Variants in MCF2L observed in about 807,000 individuals in gnomAD.
The protein encoded by MCF2L is guanine nucleotide exchange factor DBS.
In MCF2L, 97 loss-of-function variants were observed where a neutral mutation model predicts 153.4. The ratio of observed to expected loss-of-function variants is 0.63; its 90% confidence interval spans 0.54 to 0.75. The LOEUF is 0.75. MCF2L is among the 30% of genes least tolerant of loss of function. MCF2L has a pLI of 0.00. For missense variants in MCF2L, 1,347 were observed against 1,495.2 expected (o/e 0.90, Z 1.64); for synonymous variants, 659 against 632.2 (o/e 1.04, Z -0.64).
chr13:113,020,315 C>T (rs1388227954), intron 2 of MCF2L, among the ~76,000 whole-genome samples: 2 of 152,194 alleles, frequency 1.3e-5, no homozygotes, highest in African/African-American at 2.4e-5. Context: ...GCATCACGTC[C>T]GTGGAGAAAA....
rs745920154 is a variant in MCF2L, at chr13:112,969,419, G to A, written c.40G>A (p.Glu14Lys). 5.2e-5 allele frequency: 81 copies of A among 1,550,376 alleles called. No homozygotes were observed. The highest frequency in any genetic ancestry group is 1.7e-4 in the Middle Eastern group (1 of 6,012). The change falls in exon 1 of 30, where the codon GAA (glutamate) becomes AAA (lysine). Residue 14 changes from glutamate to lysine, a missense_variant. Glu to Lys is a moderately conservative substitution (Grantham distance 56). Transcript: ENST00000535094. The surrounding 1 kb of genome is among the most constrained non-coding windows in gnomAD (Gnocchi z 4.8). The stretch of plus-strand genomic sequence containing the variant: ...GAGGACTGAAGAGATGGCCTTGGAA[G>A]AAATGGTGCAGAGATTAAATGCGGT... Reference protein sequence around the residue: ...WLRTEEMALEEMVQRLNAVSK... With the variant: ...WLRTEEMALEKMVQRLNAVSK...
intron 2 of MCF2L, among the ~76,000 whole-genome samples, chr13:112,919,043 G>T (rs892983470): frequency 2.0e-5 from 3 of 152,132 alleles, no homozygotes; most frequent in African/African-American, 7.2e-5. Context: ...TGTGGGCCCC[G>T]TGCCTCTCTT....
intron 2 of MCF2L, among the ~76,000 whole-genome samples, chr13:112,945,003 T>TTTA (rs2081622866): frequency 8.1e-6 from 1 of 124,170 alleles, no homozygotes; most frequent in African/African-American, 3.3e-5. Flanking sequence ...GCACCACTAT[T>TTTA]TTTTTTTTTT....
At chr13:112,979,482 G>A (rs2993282) in intron 1 of MCF2L, 542,664 of 1,425,306 alleles carry the variant, frequency 0.38, 104,776 homozygotes, top group African/African-American at 0.47. Flanking sequence ...GTGAGTTGGC[G>A]AAGCCCAGAG....
Position 113,028,730 on chromosome 13 carries a change from C to T in MCF2L, c.278+3972C>T, listed in dbSNP as rs2085459991. 6.6e-6 allele frequency among the ~76,000 whole-genome samples: 1 copy of T among 152,194 alleles called. No individual in the cohort carries two copies. The highest frequency in any genetic ancestry group is 6.5e-5 in the Admixed American group (1 of 15,282). Reference sequence around the variant, plus strand: ...CCTGGAAATGCCAGCTTCATTCAGCCATGAGCAGTGCTGCTGACCGTGGAG... The same window carrying T: ...CCTGGAAATGCCAGCTTCATTCAGCTATGAGCAGTGCTGCTGACCGTGGAG... On this transcript the variant is annotated intron_variant, in intron 3 of 29. Coordinates refer to ENST00000535094, the MANE Select transcript of MCF2L (RefSeq NM_001112732.3). The surrounding 1 kb of genome is among the most constrained non-coding windows in gnomAD (Gnocchi z 5.4).
At chr13:113,040,920 T>G (rs1227840426) in intron 3 of MCF2L, 2 of 152,190 alleles carry the variant, frequency 1.3e-5, no homozygotes, top group African/African-American at 4.8e-5. Context: ...CTGAGTGGTT[T>G]GGGTCTCTGT....
chr13:112,985,526 G>T, intron 1 of MCF2L: 1 of 464,026 alleles, frequency 2.2e-6, no homozygotes. Context: ...GGTGTGCTCG[G>T]AGCAGTCGAG....
intron 1 of MCF2L, among the ~76,000 whole-genome samples, chr13:112,897,021 C>A (rs879299948): frequency 6.6e-6 from 1 of 152,098 alleles, no homozygotes; most frequent in South Asian, 2.1e-4. Flanking sequence ...GAGGCCAGGC[C>A]GGCAGAGCAC....
Position 113,027,132 on chromosome 13 carries a change from A to T in MCF2L, c.278+2374A>T. The T allele has an allele frequency of 1.4e-6, 1 of 705,298 alleles. No individual in the cohort carries two copies. The highest frequency in any genetic ancestry group is 2.6e-6 in the Non-Finnish European group (1 of 386,252). The allele number at this position is 705,298 out of a possible 1,614,324, so 43.7% of individuals were successfully genotyped here. On this transcript the variant is annotated intron_variant, in intron 3 of 29. Coordinates refer to ENST00000535094, the MANE Select transcript of MCF2L (RefSeq NM_001112732.3). This position sits in a 1 kb window ranked among gnomAD's most constrained non-coding sequence, Gnocchi z 4.8. ...AACACAGAGGAGATGTTTAACCATC[A>T]GCGTGAAAGTGCAGCCGTGGCCATT...
At chr13:113,081,842 C>A (rs1207413563) in intron 16 of MCF2L, among the ~76,000 whole-genome samples, 1 of 151,212 alleles carries the variant, frequency 6.6e-6, no homozygotes, top group East Asian at 1.9e-4. Context: ...GTGGTGGTCA[C>A]CCAAGTGTAG....
chr13:113,065,299 A>G, intron 7 of MCF2L: 1 of 584,644 alleles, frequency 1.7e-6, no homozygotes, highest in Non-Finnish European at 3.0e-6. Flanking sequence ...AGGAGTGTAA[A>G]TGAACCCTGT....
intron 2 of MCF2L, among the ~76,000 whole-genome samples, chr13:112,906,722 C>T (rs983220974): frequency 2.0e-5 from 3 of 152,202 alleles, no homozygotes; most frequent in South Asian, 2.1e-4. Context: ...TAGAATTGAG[C>T]GTGAGAGAGC....
intron 2 of MCF2L, among the ~76,000 whole-genome samples, chr13:112,928,147 C>A (rs1389348407): frequency 6.6e-6 from 1 of 152,212 alleles, no homozygotes; most frequent in African/African-American, 2.4e-5. Flanking sequence ...GTTAACAGTT[C>A]TGTGCTGTCT....
At chr13:113,078,211 TGGCCTCAGA>T in intron 13 of MCF2L, 143 bp from the exon 14 acceptor site, 1 of 650,682 alleles carries the variant, frequency 1.5e-6, no homozygotes, top group Non-Finnish European at 2.8e-6. Flanking sequence ...CCACCCCCTG[TGGCCTCAGA>T]GGCCAAGTCC....
In MCF2L at chr13:113,090,141, T is replaced by A. The variant is rs544965621; in HGVS notation, c.2953+413T>A. 5.1e-5 allele frequency: 79 copies of A among 1,542,022 alleles called. No individual in the cohort carries two copies. In the African/African-American group the frequency reaches 8.5e-4, roughly 17 times the overall value. ...AGCGCTTTACCCTGCAGGGTTTTGCTAACCTCAAAGGTCAGAAAGGTAAAA... is the reference window on the plus strand; with the variant it reads ...AGCGCTTTACCCTGCAGGGTTTTGCAAACCTCAAAGGTCAGAAAGGTAAAA... On this transcript the variant is annotated intron_variant, in intron 26 of 29. Transcript: ENST00000535094.
intron 1 of MCF2L, among the ~76,000 whole-genome samples, chr13:112,897,874 A>C (rs1030608156): frequency 6.6e-6 from 1 of 152,176 alleles, no homozygotes; most frequent in Non-Finnish European, 1.5e-5. Context: ...TGAGGGCTGC[A>C]GTCAGGGGTG....
chr13:113,082,122 C>G (rs557780130), intron 16 of MCF2L, among the ~76,000 whole-genome samples: 2 of 152,298 alleles, frequency 1.3e-5, no homozygotes, highest in East Asian at 3.9e-4. Flanking sequence ...AGTCGAGTGT[C>G]TGATTTACTG....
At position 113,027,997 on chromosome 13, in the gene MCF2L, C is replaced by T. The variant is rs554706079; in HGVS notation, c.278+3239C>T. The stretch of plus-strand genomic sequence containing the variant: ...GGACGGCCGGCCTGACAGGTACATC[C>T]GCCCCCTGATGGCACCTCCTGGCAT... On this transcript the variant is annotated intron_variant, in intron 3 of 29. Coordinates refer to ENST00000535094, the MANE Select transcript of MCF2L (RefSeq NM_001112732.3). This position sits in a 1 kb window ranked among gnomAD's most constrained non-coding sequence, Gnocchi z 4.8. Among the ~76,000 whole-genome samples the T allele has an allele frequency of 6.6e-5, 10 of 151,752 alleles. No individual in the cohort carries two copies. Among genetic ancestry groups the T allele is most frequent in the African/African-American group, 9.7e-5 (4 of 41,066 alleles).
intron 1 of MCF2L, among the ~76,000 whole-genome samples, chr13:112,978,702 TTCTAA>T (rs1164060355): frequency 6.6e-6 from 1 of 152,226 alleles, no homozygotes; most frequent in Non-Finnish European, 1.5e-5. Flanking sequence ...CAGATGCGTG[TTCTAA>T]TCACATCAGC....
Sources: allele counts gnomAD v4.1 joint callset (sites outside exome capture counted in the v4.1 genomes callset), GRCh38; gene constraint gnomAD v4.1.1; non-coding constraint Gnocchi (gnomAD v3.1); transcripts MANE v1.5; gene names NCBI Gene and HGNC (gene_info 2026-07-23, HGNC 2026-07-21).